The following PTPRK variants were observed in gnomAD, a reference collection of about 807,000 sequenced individuals.
PTPRK encodes the protein receptor-type tyrosine-protein phosphatase kappa.
A neutral mutation model predicts 178.0 loss-of-function variants in PTPRK; 75 were observed. The ratio of observed to expected loss-of-function variants is 0.42; its 90% confidence interval spans 0.35 to 0.51. The LOEUF (loss-of-function observed/expected upper bound fraction) is 0.51, where lower values mean the gene tolerates loss of function less well. Among genes scored for constraint, PTPRK ranks in the 20% least tolerant of loss-of-function variants. The pLI is 0.02. For synonymous variants in PTPRK, 637 were observed against 620.6 expected (o/e 1.03, Z -0.39); for missense variants, 1,441 against 1,797.8 (o/e 0.80, Z 3.59).
At chr6:128,305,137 T>G (rs533805152) in intron 3 of PTPRK, among the ~76,000 whole-genome samples, 3 of 152,332 alleles carry the variant, frequency 2.0e-5, no homozygotes, top group African/African-American at 7.2e-5. Context: ...CTCTTTTTAC[T>G]AGATTTTTGA....
chr6:128,457,838 T>C (rs953368181), intron 1 of PTPRK, among the ~76,000 whole-genome samples: 2 of 152,164 alleles, frequency 1.3e-5, no homozygotes, highest in African/African-American at 2.4e-5. Context: ...CTGATCTTCA[T>C]AAGGTACTGT....
intron 3 of PTPRK, among the ~76,000 whole-genome samples, chr6:128,308,957 G>A (rs555076649): frequency 2.0e-5 from 3 of 152,200 alleles, no homozygotes; most frequent in Non-Finnish European, 4.4e-5. Flanking sequence ...TCAGGAGAAG[G>A]CAGATCATTG....
intron 3 of PTPRK, among the ~76,000 whole-genome samples, chr6:128,307,292 G>A (rs1359478444): frequency 6.6e-6 from 1 of 150,608 alleles, no homozygotes; most frequent in Non-Finnish European, 1.5e-5. Flanking sequence ...CACTAAGGAA[G>A]AGTATCATAA....
At chr6:128,506,951 T>C (rs1856464413) in intron 1 of PTPRK, among the ~76,000 whole-genome samples, 1 of 152,122 alleles carries the variant, frequency 6.6e-6, no homozygotes, top group African/African-American at 2.4e-5. Context: ...ATAACTAAAA[T>C]GGACAAATTT....
At chr6:128,381,350 C>G (rs1433224905) in intron 2 of PTPRK, among the ~76,000 whole-genome samples, 1 of 152,094 alleles carries the variant, frequency 6.6e-6, no homozygotes, top group African/African-American at 2.4e-5. Flanking sequence ...TTCTAGATAT[C>G]ATTATGCGTC....
At chr6:127,972,110 T>G (rs1583456901) in intron 29 of PTPRK, among the ~76,000 whole-genome samples, 1 of 152,324 alleles carries the variant, frequency 6.6e-6, no homozygotes, top group Admixed American at 6.5e-5. Context: ...AGTACAAACC[T>G]AAGTCTTCAG....
chr6:128,337,940 T>A (rs1831168997), intron 2 of PTPRK, among the ~76,000 whole-genome samples: 1 of 152,042 alleles, frequency 6.6e-6, no homozygotes, highest in South Asian at 2.1e-4. Flanking sequence ...GTACAATGAA[T>A]AAAAGAGACT....
At chr6:128,014,114 CA>C (rs1779342128) in intron 13 of PTPRK, among the ~76,000 whole-genome samples, 2 of 151,642 alleles carry the variant, frequency 1.3e-5, no homozygotes, top group East Asian at 3.9e-4. Context: ...GTTGCACTGG[CA>C]TATAGAAAAT....
At chr6:128,272,321 C>A (rs907181729) in intron 3 of PTPRK, among the ~76,000 whole-genome samples, 1 of 152,130 alleles carries the variant, frequency 6.6e-6, no homozygotes, top group African/African-American at 2.4e-5. Flanking sequence ...GACTAAAACA[C>A]CAAAAGCAAT....
chr6:128,078,784 G>T (rs1291004229), intron 11 of PTPRK, 29 bp downstream of exon 11: 2 of 1,513,024 alleles, frequency 1.3e-6, no homozygotes, highest in Non-Finnish European at 1.8e-6. Flanking sequence ...TGTGGATAAG[G>T]CAGAACTACT....
intron 29 of PTPRK, among the ~76,000 whole-genome samples, 191 bp downstream of exon 29, chr6:127,972,831 T>C (rs953470229): frequency 6.7e-6 from 1 of 149,412 alleles, no homozygotes; most frequent in East Asian, 1.9e-4. Flanking sequence ...ATTAGCAGTT[T>C]ATGCAATACG....
chr6:128,465,798 A>C (rs1304711162), intron 1 of PTPRK, among the ~76,000 whole-genome samples: 1 of 152,032 alleles, frequency 6.6e-6, no homozygotes, highest in Non-Finnish European at 1.5e-5. Context: ...ATAACTCAGT[A>C]AATACTTACC....
intron 3 of PTPRK, among the ~76,000 whole-genome samples, chr6:128,244,965 A>T (rs1011853415): frequency 6.6e-6 from 1 of 152,188 alleles, no homozygotes; most frequent in African/African-American, 2.4e-5. Context: ...AAACTCTGCC[A>T]GGACATTTTT....
chr6:128,207,434 G>T (rs1807175601), intron 6 of PTPRK, among the ~76,000 whole-genome samples: 1 of 152,138 alleles, frequency 6.6e-6, no homozygotes, highest in Non-Finnish European at 1.5e-5. Context: ...CAGACGTACA[G>T]AATTCAATAG....
intron 6 of PTPRK, among the ~76,000 whole-genome samples, chr6:128,189,132 T>C (rs1453010010): frequency 1.3e-5 from 2 of 151,990 alleles, no homozygotes; most frequent in Admixed American, 6.6e-5. Flanking sequence ...AGGAAGCTTG[T>C]GAGCAGAAAA....
At chr6:128,396,009 AT>A (rs1484898469) in intron 2 of PTPRK, among the ~76,000 whole-genome samples, 2 of 152,004 alleles carry the variant, frequency 1.3e-5, no homozygotes, top group African/African-American at 4.8e-5. Flanking sequence ...TTTAGGTTTT[AT>A]TTACTTTGTG....
intron 1 of PTPRK, among the ~76,000 whole-genome samples, chr6:128,478,349 CAA>C (rs1237575356): frequency 6.6e-6 from 1 of 152,058 alleles, no homozygotes; most frequent in African/African-American, 2.4e-5. Context: ...TTGGTGGCTG[CAA>C]AGAGTTGCAG....
In PTPRK at chr6:128,067,699, T is replaced by C. The variant is rs373591429; in HGVS notation, c.1977A>G (p.Gln659=). ...ACGGTGCACCCCCACTCATGGCATT[T>C]TGGTATGTGACAGGAACCTGGTAGC... The part of the protein sequence containing the change: ...MECYQVPVTY[Q]NAMSGGAPYY... The change falls in exon 12 of 30, where the codon CAA becomes CAG. Residue 659 remains glutamine (Q), a synonymous_variant. Coordinates refer to ENST00000368226, the MANE Select transcript of PTPRK (RefSeq NM_002844.4). 2 of 1,613,736 alleles carry C rather than the reference T, an allele frequency of 1.2e-6. No individual in the cohort carries two copies. Among genetic ancestry groups the C allele is most frequent in the African/African-American group, 2.7e-5 (2 of 74,890 alleles).
intron 7 of PTPRK, among the ~76,000 whole-genome samples, chr6:128,133,549 A>T (rs1019899494): frequency 2.6e-5 from 4 of 152,180 alleles, no homozygotes; most frequent in Admixed American, 2.0e-4. Context: ...ATATTTTTAA[A>T]TTTTTTGGAA....
Sources: allele counts gnomAD v4.1 joint callset (sites outside exome capture counted in the v4.1 genomes callset), GRCh38; gene constraint gnomAD v4.1.1; transcripts MANE v1.5; gene names NCBI Gene and HGNC (gene_info 2026-07-23, HGNC 2026-07-21).